The following BIRC6 variants were observed in gnomAD, a reference collection of about 807,000 sequenced individuals.
BIRC6 encodes dual E2 ubiquitin-conjugating enzyme/E3 ubiquitin-protein ligase BIRC6.
BIRC6 carries 98 observed loss-of-function variants against 503.3 expected under a neutral mutation model. The observed-to-expected ratio is 0.19, with a 90% CI of 0.17 to 0.23. The LOEUF (loss-of-function observed/expected upper bound fraction) is 0.23. BIRC6 is among the 10% of genes least tolerant of loss of function. BIRC6 has a pLI of 1.00. For missense variants in BIRC6, 5,360 were observed against 5,806.0 expected (o/e 0.92, Z 2.50); for synonymous variants, 2,240 against 2,078.7 (o/e 1.08, Z -2.11).
chr2:32,421,374 G>A (rs1481702090), intron 10 of BIRC6, among the ~76,000 whole-genome samples: 1 of 151,890 alleles, frequency 6.6e-6, no homozygotes, highest in African/African-American at 2.4e-5. Context: ...CAAAGTGCTG[G>A]GATTACAGGC....
intron 22 of BIRC6, among the ~76,000 whole-genome samples, chr2:32,450,569 C>T (rs1041273035): frequency 6.6e-6 from 1 of 152,140 alleles, no homozygotes; most frequent in African/African-American, 2.4e-5. Flanking sequence ...GCATCAGTGG[C>T]ACAAGACAGA....
rs150965967 is a variant in BIRC6, at chr2:32,453,870, T to G, written c.4681T>G (p.Leu1561Val). Residue 1561 changes from leucine to valine, a missense_variant, in exon 23 of 74, where the codon TTG becomes GTG. By Grantham distance (32) the Leu-to-Val change is conservative. Around this residue, in one of 16 missense-constraint regions of BIRC6, gnomAD observed 2,299 missense variants for 2,267.2 expected, o/e 1.01. Coordinates refer to ENST00000421745, the MANE Select transcript of BIRC6 (RefSeq NM_016252.4). Reference protein sequence around the residue: ...EGSFTSLTGLLEVEPLHFTCV... With the variant: ...EGSFTSLTGLVEVEPLHFTCV... ...TAGTTTCACATCTCTCACTGGACTT[T>G]TGGAAGTTGAACCTCTGCACTTTAC... The G allele has an allele frequency of 1.9e-5, 30 of 1,613,636 alleles. No individual in the cohort carries two copies. In the African/African-American group the frequency reaches 3.9e-4, roughly 21 times the overall value.
At chr2:32,562,543 A>C (rs2059269123) in intron 65 of BIRC6, among the ~76,000 whole-genome samples, 1 of 152,246 alleles carries the variant, frequency 6.6e-6, no homozygotes, top group South Asian at 2.1e-4. Context: ...GTATTCCACC[A>C]TGACAGGATC....
At chr2:32,540,020 A>G (rs962334691) in intron 61 of BIRC6, among the ~76,000 whole-genome samples, 9 of 152,112 alleles carry the variant, frequency 5.9e-5, no homozygotes, top group African/African-American at 2.2e-4. Context: ...CTTTATGCCA[A>G]CATATTTGAT....
intron 10 of BIRC6, among the ~76,000 whole-genome samples, chr2:32,425,434 CTT>C (rs200528146): frequency 3.0e-5 from 4 of 134,276 alleles, no homozygotes; most frequent in Admixed American, 7.4e-5. Context: ...TCTGGTAATT[CTT>C]TTTTTTTTTT....
At chr2:32,450,006 T>G (rs2046504145) in intron 22 of BIRC6, among the ~76,000 whole-genome samples, 1 of 152,220 alleles carries the variant, frequency 6.6e-6, no homozygotes, top group Non-Finnish European at 1.5e-5. Context: ...TTGTAATTTA[T>G]GATTGGAACT....
At chr2:32,437,353 TAA>T (rs1431899482) in intron 15 of BIRC6, among the ~76,000 whole-genome samples, 1 of 152,000 alleles carries the variant, frequency 6.6e-6, no homozygotes, top group Non-Finnish European at 1.5e-5. Context: ...ATTCTGGGGG[TAA>T]ATAAAAAAAA....
chr2:32,596,444 G>A (rs1333883400), intron 68 of BIRC6, among the ~76,000 whole-genome samples: 1 of 144,310 alleles, frequency 6.9e-6, no homozygotes, highest in Non-Finnish European at 1.5e-5. Flanking sequence ...ACTCCAGTCT[G>A]GGCGACAGAG....
At chr2:32,566,319 G>C (rs1428018158) in intron 65 of BIRC6, 2 of 152,148 alleles carry the variant, frequency 1.3e-5, no homozygotes, top group Non-Finnish European at 2.9e-5. Context: ...CTAGAGTGCA[G>C]TGGTGTAATC....
At chr2:32,617,581 T>A in intron 73 of BIRC6, 144 bp from the exon 74 acceptor site, 1 of 831,200 alleles carries the variant, frequency 1.2e-6, no homozygotes. Flanking sequence ...ATCAAGTGCC[T>A]GTAACAGTAG....
chr2:32,463,530 G>T (rs2048217452), intron 24 of BIRC6, 149 bp downstream of exon 24: 1 of 698,506 alleles, frequency 1.4e-6, no homozygotes, highest in Non-Finnish European at 2.2e-6. Context: ...TAAAGTCTTT[G>T]TGATATTTAA....
Position 32,549,013 on chromosome 2 carries a change from G to A in BIRC6, c.12976-300G>A, listed in dbSNP as rs1043749392. ...TTGTTACCTTCAAACTGTGAATTGA[G>A]TCTATTCAATAAAATATGTAAATAA... is the stretch of plus-strand genomic sequence containing the variant. On this transcript the variant is annotated intron_variant, in intron 64 of 73. Coordinates refer to ENST00000421745, the MANE Select transcript of BIRC6 (RefSeq NM_016252.4). 4.3e-5 allele frequency: 8 copies of A among 186,678 alleles called. No individual in the cohort carries two copies. In the South Asian group the frequency reaches 7.8e-4, roughly 18 times the overall value. 11.6% of individuals were successfully genotyped at this position (186,678 alleles called of 1,614,324 possible). A position where few individuals can be genotyped will look rare whatever the true frequency, so the allele number is the denominator to read the frequency against.
intron 65 of BIRC6, among the ~76,000 whole-genome samples, chr2:32,559,912 A>AG (rs1255585001): frequency 6.6e-6 from 1 of 151,968 alleles, no homozygotes; most frequent in East Asian, 1.9e-4. Flanking sequence ...GCTGCTTGGA[A>AG]GGCTGAGGCA....
intron 10 of BIRC6, among the ~76,000 whole-genome samples, chr2:32,420,622 T>G (rs2042833130): frequency 6.6e-6 from 1 of 152,176 alleles, no homozygotes; most frequent in Admixed American, 6.5e-5. Flanking sequence ...CAAGTGATTC[T>G]GTCACCTCAG....
At chr2:32,406,108 C>G (rs1038590213) in intron 8 of BIRC6, among the ~76,000 whole-genome samples, 1 of 152,130 alleles carries the variant, frequency 6.6e-6, no homozygotes, top group Non-Finnish European at 1.5e-5. Flanking sequence ...ACTGTACTTT[C>G]AGGCCAGGCA....
At chr2:32,594,260 A>G in intron 67 of BIRC6, 200 bp downstream of exon 67, 2 of 460,110 alleles carry the variant, frequency 4.3e-6, no homozygotes, top group East Asian at 7.0e-5. Context: ...CATTTCTACT[A>G]TATATGATTG....
rs1395970271 is a variant in BIRC6 at position 32,618,067 on chromosome 2, T to C, written c.*163T>C. The C allele has an allele frequency of 1.6e-6, 1 of 622,220 alleles. No individual in the cohort carries two copies. Among genetic ancestry groups the C allele is most frequent in the Non-Finnish European group, 2.5e-6 (1 of 402,344 alleles). The allele number at this position is 622,220 out of a possible 1,614,324, so 38.5% of individuals were successfully genotyped here. A position where few individuals can be genotyped will look rare whatever the true frequency, so the allele number is the denominator to read the frequency against. Reference sequence around the variant, plus strand: ...AATTCAAGGTGATCTTTTATTTACCTGTACAGGAGTGTAAACTTTTTTGTG... The same window carrying C: ...AATTCAAGGTGATCTTTTATTTACCCGTACAGGAGTGTAAACTTTTTTGTG... On this transcript the variant is annotated 3_prime_UTR_variant, in exon 74 of 74. Coordinates refer to ENST00000421745, the MANE Select transcript of BIRC6 (RefSeq NM_016252.4).
intron 35 of BIRC6, among the ~76,000 whole-genome samples, chr2:32,478,101 G>T (rs1457517994): frequency 1.3e-5 from 2 of 152,072 alleles, no homozygotes; most frequent in South Asian, 2.1e-4. Context: ...AACACTTCGG[G>T]AGGCGGAGGG....
chr2:32,547,946 G>T lies in BIRC6; in HGVS notation c.12907G>T (p.Gly4303Trp). 6.2e-7 allele frequency: 1 copy of T among 1,613,746 alleles called. No homozygotes were observed. Among genetic ancestry groups the T allele is most frequent in the Non-Finnish European group, 8.5e-7 (1 of 1,179,774 alleles). The change falls in exon 64 of 74, where the codon GGG (glycine) becomes TGG (tryptophan). Residue 4303 changes from glycine to tryptophan, a missense_variant. Physicochemically the swap from Gly to Trp is radical, Grantham distance 184 (BLOSUM62 -2). Transcript: ENST00000421745. ...CTTTGGAACAGGCTCTACAGCTTCT[G>T]GGTGGGATGTGGAACAAGCCTTAAC... ...TGFGTGSTAS[G>W]WDVEQALTKQ...
Sources: gnomAD v4.1 joint callset for allele counts (sites outside exome capture counted in the v4.1 genomes callset) on GRCh38, gnomAD v4.1.1 for gene constraint, gnomAD v4.1.1 regional missense constraint, MANE v1.5 for transcripts, NCBI Gene and HGNC (gene_info 2026-07-23, HGNC 2026-07-21) for gene names.